MPZL1: variants seen among roughly 807,000 people sequenced by gnomAD.
The protein encoded by MPZL1 is myelin protein zero-like protein 1.
Under a neutral mutation model 29.3 loss-of-function variants are expected in MPZL1, and 16 were observed. The ratio of observed to expected loss-of-function variants is 0.55; its 90% CI spans 0.37 to 0.83. The LOEUF is 0.83. MPZL1 is among the 40% of genes least tolerant of loss of function. The probability of loss-of-function intolerance (pLI) is 0.00; values close to 1 mark genes in which losing one functional copy is unlikely to be tolerated. For missense variants in MPZL1, 279 were observed against 332.9 expected, an observed-to-expected ratio of 0.84 and a Z score of 1.26; for synonymous variants, 143 against 132.0, an observed-to-expected ratio of 1.08 and a Z score of -0.57.
chr1:167,724,839 A>G (rs918121739), intron 1 of MPZL1, among the ~76,000 whole-genome samples: 1 of 152,174 alleles, frequency 6.6e-6, no homozygotes, highest in African/African-American at 2.4e-5. Context: ...GATTGTTTGG[A>G]TGAGGGCATC....
In MPZL1 at chr1:167,789,830, A is replaced by G. The variant is rs900056576; in HGVS notation, c.*1909A>G. The G allele has an allele frequency of 6.6e-6, 1 of 152,198 alleles. No individual in the cohort carries two copies. The highest frequency in any genetic ancestry group is 2.4e-5 in the African/African-American group (1 of 41,456). 9.4% of individuals were successfully genotyped at this position (152,198 alleles called of 1,614,324 possible). A position where few individuals can be genotyped will look rare whatever the true frequency, so the allele number is the denominator to read the frequency against. On this transcript the variant is annotated 3_prime_UTR_variant, in exon 6 of 6. Transcript: ENST00000359523. ...TGACACACAGTGCTGGCCCTGAGAC[A>G]TTTCCACAAAGTGGTCAACTCTGCC...
chr1:167,770,948 C>T (rs538970984), intron 2 of MPZL1, among the ~76,000 whole-genome samples: 1 of 151,330 alleles, frequency 6.6e-6, no homozygotes, highest in South Asian at 2.1e-4. Context: ...GATCTCTAAA[C>T]TTCTGTCTGG....
chr1:167,770,425 T>G (rs1661214247), intron 2 of MPZL1, among the ~76,000 whole-genome samples: 1 of 152,230 alleles, frequency 6.6e-6, no homozygotes, highest in South Asian at 2.1e-4. Context: ...AGAAGACAGT[T>G]CCTTTGCTGA....
Position 167,778,591 on chromosome 1 carries a change from ATAAT to A in MPZL1, c.708+2432_708+2435del, listed in dbSNP as rs1178487206. On this transcript the variant is annotated intron_variant, in intron 5 of 5. Coordinates refer to ENST00000359523, the MANE Select transcript of MPZL1 (RefSeq NM_003953.6). Reference sequence around the variant, plus strand: ...ATAGATTTAAAAAAATAATAATTTAATAATTAATTACAATAAAAAATCAGGAGAA... The same window carrying A: ...ATAGATTTAAAAAAATAATAATTTAATAATTACAATAAAAAATCAGGAGAA... Among the ~76,000 whole-genome samples the A allele has an allele frequency of 7.9e-5, 12 of 151,990 alleles. No individual in the cohort carries two copies. The East Asian group carries it at 1.2e-3, about 15-fold the overall frequency.
At chr1:167,757,789 A>T (rs961486743) in intron 1 of MPZL1, among the ~76,000 whole-genome samples, 2 of 152,220 alleles carry the variant, frequency 1.3e-5, no homozygotes, top group African/African-American at 4.8e-5. Context: ...CAAAGTGCTT[A>T]AAAAAATTCA....
intron 1 of MPZL1, among the ~76,000 whole-genome samples, chr1:167,764,777 A>G (rs1661076495): frequency 6.6e-6 from 1 of 152,150 alleles, no homozygotes; most frequent in South Asian, 2.1e-4. Context: ...ACTGTGGTAC[A>G]TCCATACAAT....
chr1:167,783,392 T>G (rs1361103819), intron 5 of MPZL1, among the ~76,000 whole-genome samples: 1 of 152,216 alleles, frequency 6.6e-6, no homozygotes, highest in Non-Finnish European at 1.5e-5. Flanking sequence ...AAGTAATTTT[T>G]GTATATGTAT....
intron 2 of MPZL1, among the ~76,000 whole-genome samples, chr1:167,772,031 G>A (rs536160001): frequency 9.8e-4 from 149 of 152,266 alleles, no homozygotes; most frequent in African/African-American, 3.4e-3. Context: ...CCCGAGGCAG[G>A]AGAATCACAG....
chr1:167,772,619 C>G, intron 3 of MPZL1, 131 bp downstream of exon 3: 2 of 759,994 alleles, frequency 2.6e-6, no homozygotes, highest in Non-Finnish European at 4.2e-6. Flanking sequence ...TCCCTGTTGC[C>G]ACGAACCTGT....
At chr1:167,771,002 CTTTT>C (rs780993668) in intron 2 of MPZL1, among the ~76,000 whole-genome samples, 1 of 120,938 alleles carries the variant, frequency 8.3e-6, no homozygotes, top group Non-Finnish European at 1.8e-5. Flanking sequence ...TGTTGCATTT[CTTTT>C]TTTTTTTTTT....
chr1:167,757,318 G>A (rs572114405), intron 1 of MPZL1, among the ~76,000 whole-genome samples: 4 of 152,332 alleles, frequency 2.6e-5, no homozygotes, highest in South Asian at 2.1e-4. Flanking sequence ...TGAGGGAATC[G>A]TGTGGAATTT....
chr1:167,734,736 C>T (rs181728047), intron 1 of MPZL1, among the ~76,000 whole-genome samples: 259 of 152,240 alleles, frequency 1.7e-3, no homozygotes, highest in African/African-American at 5.8e-3. Context: ...CAGTGTCTTG[C>T]AATGCAGCTG....
chr1:167,760,747 CTGTGTGTGTGTGTGTGTG>C (rs58963124), intron 1 of MPZL1, among the ~76,000 whole-genome samples: 9 of 120,106 alleles, frequency 7.5e-5, no homozygotes, highest in East Asian at 2.5e-4. Flanking sequence ...GTTGAATAGG[CTGTGTGTGTGTGTGTGTG>C]TGTGTGTGTG....
chr1:167,746,976 C>A (rs889058775), intron 1 of MPZL1, among the ~76,000 whole-genome samples: 10 of 151,952 alleles, frequency 6.6e-5, no homozygotes, highest in Admixed American at 5.9e-4. Context: ...GGTCTCCAAA[C>A]AAGAGACACA....
chr1:167,770,300 A>G (rs1460535925), intron 2 of MPZL1, among the ~76,000 whole-genome samples: 1 of 152,230 alleles, frequency 6.6e-6, no homozygotes, highest in Non-Finnish European at 1.5e-5. Context: ...AACCAGAACA[A>G]AGACATCAGG....
At chr1:167,755,602 A>G (rs1304766558) in intron 1 of MPZL1, among the ~76,000 whole-genome samples, 1 of 152,352 alleles carries the variant, frequency 6.6e-6, no homozygotes, top group African/African-American at 2.4e-5. Context: ...TCTGCTTGCT[A>G]AGAACCAAGA....
At chr1:167,779,050 A>G (rs1661433492) in intron 5 of MPZL1, among the ~76,000 whole-genome samples, 1 of 152,030 alleles carries the variant, frequency 6.6e-6, no homozygotes, top group South Asian at 2.1e-4. Context: ...TGAACCTGGG[A>G]GGCAGAGGTT....
At chr1:167,734,865 C>A (rs1292164731) in intron 1 of MPZL1, among the ~76,000 whole-genome samples, 3 of 152,208 alleles carry the variant, frequency 2.0e-5, no homozygotes, top group South Asian at 4.1e-4. Flanking sequence ...TTCAATGTTT[C>A]CAGCTCCATA....
chr1:167,741,869 C>CA (rs1571142559), intron 1 of MPZL1, among the ~76,000 whole-genome samples: 1 of 151,882 alleles, frequency 6.6e-6, no homozygotes, highest in East Asian at 1.9e-4. Context: ...CCTGTCTCTA[C>CA]AAAAAATATA....
Sources: gnomAD v4.1 joint callset for allele counts (sites outside exome capture counted in the v4.1 genomes callset) on GRCh38, gnomAD v4.1.1 for gene constraint, MANE v1.5 for transcripts, NCBI Gene and HGNC (gene_info 2026-07-23, HGNC 2026-07-21) for gene names.